The following MACROD2 variants were observed in gnomAD, a reference collection of about 807,000 sequenced individuals.
MACROD2 encodes ADP-ribose glycohydrolase MACROD2.
A neutral mutation model predicts 70.4 loss-of-function variants in MACROD2; 36 were observed. That is an observed-to-expected ratio of 0.51 (90% confidence interval 0.39 to 0.68). The LOEUF is 0.68. MACROD2 is among the 30% of genes least tolerant of loss of function. The pLI, the probability that MACROD2 is intolerant of heterozygous loss-of-function variation, is 0.00. For missense variants in MACROD2, 496 were observed against 538.4 expected (o/e 0.92, Z 0.78); for synonymous variants, 172 against 178.8 (o/e 0.96, Z 0.30).
At chr20:15,291,229 G>T (rs1349704348) in intron 6 of MACROD2, among the ~76,000 whole-genome samples, 9 of 152,204 alleles carry the variant, frequency 5.9e-5, no homozygotes, top group Admixed American at 5.9e-4. Flanking sequence ...TAAGGAGTCT[G>T]ATGTGAAAAA....
At chr20:14,636,191 G>C (rs1252777572) in intron 4 of MACROD2, among the ~76,000 whole-genome samples, 2 of 152,032 alleles carry the variant, frequency 1.3e-5, no homozygotes, top group East Asian at 3.9e-4. Flanking sequence ...GAATGGAATA[G>C]GAGTTTAGCT....
intron 3 of MACROD2, among the ~76,000 whole-genome samples, chr20:14,306,065 C>T (rs1041004151): frequency 3.7e-4 from 56 of 151,946 alleles, no homozygotes; most frequent in African/African-American, 1.3e-3. Flanking sequence ...ATTTTTAAAC[C>T]TCTCTATCCT....
intron 5 of MACROD2, among the ~76,000 whole-genome samples, chr20:15,212,089 C>T (rs2076768899): frequency 6.6e-6 from 1 of 152,140 alleles, no homozygotes; most frequent in Non-Finnish European, 1.5e-5. Context: ...TTTTGATTTG[C>T]ATTTCCGGAA....
At chr20:15,127,104 A>G (rs2076072516) in intron 5 of MACROD2, among the ~76,000 whole-genome samples, 1 of 152,124 alleles carries the variant, frequency 6.6e-6, no homozygotes, top group African/African-American at 2.4e-5. Context: ...TCCAAAGGGA[A>G]TGCTTTATGT....
intron 8 of MACROD2, among the ~76,000 whole-genome samples, chr20:15,564,083 G>A (rs987232069): frequency 3.3e-5 from 5 of 152,058 alleles, no homozygotes; most frequent in Admixed American, 1.3e-4. Context: ...TATCAACAGT[G>A]TGTGACACGC....
At chr20:14,577,296 A>G (rs921547766) in intron 4 of MACROD2, among the ~76,000 whole-genome samples, 2 of 152,230 alleles carry the variant, frequency 1.3e-5, no homozygotes, top group Non-Finnish European at 2.9e-5. Context: ...TAATATGCTC[A>G]ACCTTGAGAA....
intron 6 of MACROD2, among the ~76,000 whole-genome samples, chr20:15,406,395 TAC>T (rs2146316868): frequency 6.6e-6 from 1 of 152,356 alleles, no homozygotes; most frequent in South Asian, 2.1e-4. Context: ...CTAAGCATGT[TAC>T]CAGATGAGCC....
intron 8 of MACROD2, among the ~76,000 whole-genome samples, chr20:15,624,908 G>A (rs1001830451): frequency 6.6e-6 from 1 of 152,088 alleles, no homozygotes; most frequent in Middle Eastern, 3.2e-3. Context: ...CCACTATTTA[G>A]TTCTTACACC....
intron 2 of MACROD2, among the ~76,000 whole-genome samples, chr20:14,020,804 A>G (rs1171848451): frequency 6.6e-6 from 1 of 152,082 alleles, no homozygotes; most frequent in Non-Finnish European, 1.5e-5. Flanking sequence ...AGTTACAGAG[A>G]TTTCCTCAGG....
intron 3 of MACROD2, among the ~76,000 whole-genome samples, chr20:14,134,812 A>AC (rs1555924347): frequency 5.1e-4 from 77 of 151,460 alleles, no homozygotes; most frequent in Non-Finnish European, 9.9e-4. Flanking sequence ...AAAAAAAAAA[A>AC]AAAAAAAAAA....
At chr20:15,577,290 T>G (rs1295814968) in intron 8 of MACROD2, among the ~76,000 whole-genome samples, 1 of 151,982 alleles carries the variant, frequency 6.6e-6, no homozygotes, top group Admixed American at 6.6e-5. Context: ...CCACCAGTTA[T>G]CGACTCACAT....
intron 6 of MACROD2, among the ~76,000 whole-genome samples, chr20:15,278,012 A>G (rs1264618390): frequency 1.3e-5 from 2 of 152,226 alleles, no homozygotes; most frequent in African/African-American, 4.8e-5. Flanking sequence ...AAACTATACT[A>G]ATAAAATTCT....
intron 3 of MACROD2, among the ~76,000 whole-genome samples, chr20:14,334,199 T>G (rs2082895274): frequency 6.6e-6 from 1 of 152,212 alleles, no homozygotes; most frequent in South Asian, 2.1e-4. Context: ...TAACTCAAAG[T>G]TCTTTCTTAC....
intron 5 of MACROD2, among the ~76,000 whole-genome samples, chr20:15,091,580 G>A (rs755576426): frequency 1.6e-4 from 24 of 151,908 alleles, no homozygotes; most frequent in South Asian, 4.2e-4. Context: ...AAACCAAACC[G>A]CATGTTAACT....
intron 3 of MACROD2, among the ~76,000 whole-genome samples, chr20:14,308,598 G>A (rs2082540010): frequency 6.6e-6 from 1 of 152,102 alleles, no homozygotes; most frequent in Admixed American, 6.6e-5. Context: ...GAAAATGACT[G>A]AACCCATCTT....
chr20:15,232,522 G>C (rs2076967864), intron 6 of MACROD2, among the ~76,000 whole-genome samples: 1 of 152,004 alleles, frequency 6.6e-6, no homozygotes, highest in African/African-American at 2.4e-5. Context: ...TTGCAGACCT[G>C]TCCAACTCAT....
At chr20:15,595,670 T>C (rs2048736843) in intron 8 of MACROD2, among the ~76,000 whole-genome samples, 1 of 152,216 alleles carries the variant, frequency 6.6e-6, no homozygotes, top group Admixed American at 6.5e-5. Flanking sequence ...GGCATAACTG[T>C]GACTTTAGTA....
intron 4 of MACROD2, among the ~76,000 whole-genome samples, chr20:14,576,553 A>G (rs920053427): frequency 2.6e-5 from 4 of 152,164 alleles, no homozygotes; most frequent in African/African-American, 7.2e-5. Flanking sequence ...AATTTAGACA[A>G]TGCAAAATAT....
intron 3 of MACROD2, among the ~76,000 whole-genome samples, chr20:14,443,997 T>C (rs2084155803): frequency 6.6e-6 from 1 of 152,146 alleles, no homozygotes; most frequent in South Asian, 2.1e-4. Context: ...ACATTTTAAT[T>C]TATATGTTAT....
Sources: gnomAD v4.1 joint callset for allele counts (sites outside exome capture counted in the v4.1 genomes callset) on GRCh38, gnomAD v4.1.1 for gene constraint, MANE v1.5 for transcripts, NCBI Gene and HGNC (gene_info 2026-07-23, HGNC 2026-07-21) for gene names.